KCNIP1: variants seen among roughly 807,000 people sequenced by gnomAD.
KCNIP1 encodes the protein potassium voltage-gated channel interacting protein 1.
KCNIP1 carries 18 observed loss-of-function variants against 33.0 expected under a neutral mutation model. The observed-to-expected ratio is 0.55, with a 90% CI of 0.38 to 0.81. KCNIP1 has a LOEUF of 0.81. Among genes scored for constraint, KCNIP1 ranks in the 30% least tolerant of loss-of-function variants. The pLI is 0.00. For synonymous variants in KCNIP1, 93 were observed against 98.3 expected (o/e 0.95, Z 0.32); for missense variants, 238 against 271.6 (o/e 0.88, Z 0.87).
chr5:170,598,030 C>T (rs1758528031), intron 1 of KCNIP1, among the ~76,000 whole-genome samples: 1 of 152,082 alleles, frequency 6.6e-6, no homozygotes. Flanking sequence ...CTGTGGCCCC[C>T]ACTCCTGCCT....
At chr5:170,412,699 G>T (rs1277078055) in intron 1 of KCNIP1, among the ~76,000 whole-genome samples, 6 of 152,146 alleles carry the variant, frequency 3.9e-5, no homozygotes, top group Non-Finnish European at 7.3e-5. Context: ...GCAGTGCAGA[G>T]TGAGGGAGCT....
intron 1 of KCNIP1, among the ~76,000 whole-genome samples, chr5:170,532,933 G>A (rs968412521): frequency 2.6e-5 from 4 of 152,150 alleles, no homozygotes; most frequent in Non-Finnish European, 5.9e-5. Context: ...TGAGGTGGAG[G>A]TCTCTCTGAC....
At chr5:170,395,736 G>A (rs1291445893) in intron 1 of KCNIP1, among the ~76,000 whole-genome samples, 1 of 152,214 alleles carries the variant, frequency 6.6e-6, no homozygotes, top group Non-Finnish European at 1.5e-5. Context: ...TAGTGAGTGA[G>A]AGAGAGCAAG....
intron 1 of KCNIP1, among the ~76,000 whole-genome samples, chr5:170,604,534 C>T (rs2113597011): frequency 6.6e-6 from 1 of 152,292 alleles, no homozygotes; most frequent in South Asian, 2.1e-4. Context: ...CAGGGAGAAG[C>T]CAATGGATCT....
At chr5:170,639,896 T>C (rs1760470956) in intron 1 of KCNIP1, among the ~76,000 whole-genome samples, 1 of 152,226 alleles carries the variant, frequency 6.6e-6, no homozygotes, top group Admixed American at 6.5e-5. Flanking sequence ...CTTTCACACA[T>C]AAAAGAAGGC....
At chr5:170,387,580 G>A (rs1764529828) in intron 1 of KCNIP1, among the ~76,000 whole-genome samples, 1 of 152,180 alleles carries the variant, frequency 6.6e-6, no homozygotes, top group Admixed American at 6.5e-5. Context: ...GCACCAGGAG[G>A]TGAGTTTCTC....
At chr5:170,452,460 G>A (rs1756277550) in intron 1 of KCNIP1, among the ~76,000 whole-genome samples, 1 of 152,086 alleles carries the variant, frequency 6.6e-6, no homozygotes. Flanking sequence ...TGAGGGCTGG[G>A]GCCTCATAAA....
chr5:170,640,353 C>G (rs1408351234), intron 1 of KCNIP1, among the ~76,000 whole-genome samples: 3 of 152,156 alleles, frequency 2.0e-5, no homozygotes, highest in Non-Finnish European at 2.9e-5. Context: ...AACCCAGCCC[C>G]GTGCTAGAAA....
chr5:170,490,363 C>T (rs1210517085), intron 1 of KCNIP1, among the ~76,000 whole-genome samples: 1 of 152,206 alleles, frequency 6.6e-6, no homozygotes, highest in Non-Finnish European at 1.5e-5. Flanking sequence ...AGGGCAACTA[C>T]AATTGAGAAG....
chr5:170,589,813 C>T (rs576057006), intron 1 of KCNIP1, among the ~76,000 whole-genome samples: 3 of 149,980 alleles, frequency 2.0e-5, no homozygotes, highest in Non-Finnish European at 3.0e-5. Flanking sequence ...CGGTGCGGTG[C>T]GGTGTGGTGT....
At chr5:170,451,385 C>T (rs1756245977) in intron 1 of KCNIP1, among the ~76,000 whole-genome samples, 1 of 152,060 alleles carries the variant, frequency 6.6e-6, no homozygotes, top group South Asian at 2.1e-4. Context: ...CCTCCCTAGT[C>T]ACTTAACACA....
intron 1 of KCNIP1, among the ~76,000 whole-genome samples, chr5:170,681,812 T>C (rs1323328702): frequency 6.6e-6 from 1 of 152,220 alleles, no homozygotes; most frequent in Non-Finnish European, 1.5e-5. Flanking sequence ...GTTTCCAACG[T>C]TGAAGGAGTT....
intron 1 of KCNIP1, among the ~76,000 whole-genome samples, chr5:170,622,874 C>T (rs904854560): frequency 2.6e-5 from 4 of 152,192 alleles, no homozygotes; most frequent in Non-Finnish European, 4.4e-5. Context: ...TGGTCCCCAA[C>T]CCTTTTGGCA....
chr5:170,508,450 T>A (rs1754800826), intron 1 of KCNIP1, among the ~76,000 whole-genome samples: 1 of 152,174 alleles, frequency 6.6e-6, no homozygotes, highest in Admixed American at 6.5e-5. Context: ...GGTTTAGGGT[T>A]TATTGGTCAG....
intron 5 of KCNIP1, among the ~76,000 whole-genome samples, chr5:170,729,313 G>A (rs935044267): frequency 1.3e-5 from 2 of 152,002 alleles, no homozygotes; most frequent in African/African-American, 4.8e-5. Context: ...TGAAAAGTAA[G>A]TGACAAACTT....
chr5:170,719,247 A>G (rs2113869913), intron 2 of KCNIP1, among the ~76,000 whole-genome samples: 1 of 152,132 alleles, frequency 6.6e-6, no homozygotes, highest in African/African-American at 2.4e-5. Flanking sequence ...AACCAGGCTC[A>G]CCGAGACTGA....
At chr5:170,668,574 G>T (rs971731639) in intron 1 of KCNIP1, among the ~76,000 whole-genome samples, 3 of 152,202 alleles carry the variant, frequency 2.0e-5, no homozygotes, top group Non-Finnish European at 4.4e-5. Context: ...TAAAGAGATT[G>T]GCATACAGGG....
chr5:170,717,535 A>G (rs919211781), intron 1 of KCNIP1, among the ~76,000 whole-genome samples: 112 of 152,326 alleles, frequency 7.4e-4, no homozygotes, highest in Non-Finnish European at 4.0e-4. Flanking sequence ...GGAGCCTCAC[A>G]CGAACATCCA....
At chr5:170,386,196 C>A (rs186385) in intron 1 of KCNIP1, among the ~76,000 whole-genome samples, 13,871 of 151,918 alleles carry the variant, frequency 0.091, 778 homozygotes, top group East Asian at 0.2. Context: ...ATCCATGTAG[C>A]TCCTAAATGT....
Sources: gnomAD v4.1 joint callset for allele counts (sites outside exome capture counted in the v4.1 genomes callset) on GRCh38, gnomAD v4.1.1 for gene constraint, MANE v1.5 for transcripts, NCBI Gene and HGNC (gene_info 2026-07-23, HGNC 2026-07-21) for gene names.